TTC19: variants seen among roughly 807,000 people sequenced by gnomAD.
TTC19 encodes tetratricopeptide repeat protein 19, mitochondrial.
In TTC19, 38 loss-of-function variants were observed where a neutral mutation model predicts 49.5. The observed-to-expected ratio is 0.77, with a 90% CI of 0.59 to 1.01. The LOEUF is 1.01. Among genes scored for constraint, TTC19 ranks in the 50% least tolerant of loss-of-function variants. The pLI, the probability that TTC19 is intolerant of heterozygous loss-of-function variation, is 0.00. For synonymous variants in TTC19, 204 were observed against 185.2 expected, an observed-to-expected ratio of 1.10 and a Z score of -0.83; for missense variants, 475 against 477.7, an observed-to-expected ratio of 0.99 and a Z score of 0.05.
At position 16,029,108 on chromosome 17, in the gene TTC19, G is replaced by GAGTAAAAA. The variant is rs778157002; in HGVS notation, c.*1586_*1587insAGTAAAAA. ...AATTAATGTCAACCACTCACCTTTT[G>GAGTAAAAA]CATTGAGAATGTTTTTACCTTTTCA... On this transcript the variant is annotated 3_prime_UTR_variant, in exon 10 of 10. Transcript: ENST00000261647. 0.018 allele frequency: 8,118 copies of GAGTAAAAA among 452,412 alleles called. 105 individuals carry two copies. The highest frequency in any genetic ancestry group is 0.021 in the Non-Finnish European group (4,745 of 226,354). 28.0% of individuals were successfully genotyped at this position (452,412 alleles called of 1,614,324 possible).
chr17:16,010,797 C>T (rs1382902019), intron 7 of TTC19, among the ~76,000 whole-genome samples: 1 of 152,172 alleles, frequency 6.6e-6, no homozygotes, highest in Non-Finnish European at 1.5e-5. Context: ...TAACCAGTTT[C>T]CTCTGGTATT....
intron 2 of TTC19, among the ~76,000 whole-genome samples, chr17:16,042,958 G>T (rs2058015051): frequency 6.6e-6 from 1 of 152,146 alleles, no homozygotes; most frequent in South Asian, 2.1e-4. Flanking sequence ...TAGATGAGAT[G>T]ACTCAAATTA....
chr17:16,002,486 G>C (rs965382330), intron 3 of TTC19, among the ~76,000 whole-genome samples: 1 of 151,904 alleles, frequency 6.6e-6, no homozygotes, highest in South Asian at 2.1e-4. Context: ...CACAGCTTCA[G>C]TTTTTTTACC....
chr17:16,020,631 A>G (rs1240426087), intron 7 of TTC19, among the ~76,000 whole-genome samples: 4 of 152,194 alleles, frequency 2.6e-5, no homozygotes, highest in African/African-American at 9.6e-5. Context: ...GTTTCATTAT[A>G]ATTTTTCCCT....
chr17:16,027,424 A>G lies in TTC19; in HGVS notation c.1045A>G (p.Lys349Glu), dbSNP rs768787227. 1 of 1,614,012 alleles carries G rather than the reference A, an allele frequency of 6.2e-7. No individual in the cohort carries two copies. The highest frequency in any genetic ancestry group is 8.5e-7 in the Non-Finnish European group (1 of 1,179,980). Reference protein sequence around the residue: ...EIYQEALKQAKLKKDEISVQH... With the variant: ...EIYQEALKQAELKKDEISVQH... ...CTACCAGGAAGCACTGAAGCAAGCA[A>G]AGCTGAAAAAAGATGAAATTTCTGT... Residue 349 changes from lysine to glutamate, a missense_variant, in exon 10 of 10, where the codon AAG becomes GAG. Physicochemically the swap from Lys to Glu is moderately conservative, Grantham distance 56. Coordinates refer to ENST00000261647, the MANE Select transcript of TTC19 (RefSeq NM_017775.4).
At chr17:16,039,672 A>C in intron 2 of TTC19, 1 of 1,601,204 alleles carries the variant, frequency 6.2e-7, no homozygotes, top group Non-Finnish European at 8.5e-7. Context: ...AGAATCAAAA[A>C]CATTTCCACT....
chr17:16,029,016 T>G lies in TTC19; in HGVS notation c.*1494T>G. 2 of 444,728 alleles carry G rather than the reference T, an allele frequency of 4.5e-6. No individual in the cohort carries two copies. Among genetic ancestry groups the G allele is most frequent in the Non-Finnish European group, 8.9e-6 (2 of 223,806 alleles). The allele number at this position is 444,728 out of a possible 1,614,324, so 27.5% of individuals were successfully genotyped here. Reference sequence around the variant, plus strand: ...GTTTACCAAGTCTAGCTCAGAGAGATAAGATACAATATAAATCAGACTGTT... The same window carrying G: ...GTTTACCAAGTCTAGCTCAGAGAGAGAAGATACAATATAAATCAGACTGTT... On this transcript the variant is annotated 3_prime_UTR_variant, in exon 10 of 10. Transcript: ENST00000261647.
chr17:16,010,268 G>T (rs1971029524), intron 7 of TTC19, among the ~76,000 whole-genome samples: 2 of 149,066 alleles, frequency 1.3e-5, no homozygotes, highest in South Asian at 4.2e-4. Flanking sequence ...CCGCCTCCCG[G>T]GTTTAAGCGG....
At chr17:16,010,392 T>C (rs1345666567) in intron 7 of TTC19, among the ~76,000 whole-genome samples, 1 of 151,734 alleles carries the variant, frequency 6.6e-6, no homozygotes, top group Non-Finnish European at 1.5e-5. Flanking sequence ...CAGGATGGTC[T>C]CAATCTCTTG....
intron 2 of TTC19, chr17:16,039,815 GTCTC>G (rs772841727): frequency 9.4e-6 from 6 of 639,244 alleles, no homozygotes; most frequent in African/African-American, 5.5e-5. Flanking sequence ...TGGAGACAGA[GTCTC>G]TCTCTGTCGC....
chr17:16,037,363 A>G (rs2056621009), intron 2 of TTC19, among the ~76,000 whole-genome samples: 1 of 152,244 alleles, frequency 6.6e-6, no homozygotes, highest in African/African-American at 2.4e-5. Context: ...TATTAGAAAA[A>G]TAATGCTGAT....
At position 16,028,282 on chromosome 17, in the gene TTC19, G is replaced by A. The variant is rs1268894677; in HGVS notation, c.*760G>A. 1.5e-5 allele frequency: 7 copies of A among 453,966 alleles called. No individual in the cohort carries two copies. In the Admixed American group the frequency reaches 1.6e-4, roughly 11 times the overall value. The allele number at this position is 453,966 out of a possible 1,614,324, so 28.1% of individuals were successfully genotyped here. A position where few individuals can be genotyped will look rare whatever the true frequency, so the allele number is the denominator to read the frequency against. ...TAGTCACACAACTGAGTCATCTCAA[G>A]TACTCTTTAAGGACACACAGCCCAG... On this transcript the variant is annotated 3_prime_UTR_variant, in exon 10 of 10. Transcript: ENST00000261647.
intron 7 of TTC19, among the ~76,000 whole-genome samples, chr17:16,017,546 G>C (rs1158998348): frequency 6.6e-6 from 1 of 151,694 alleles, no homozygotes; most frequent in Non-Finnish European, 1.5e-5. Flanking sequence ...GATCGCCTGA[G>C]GTCAGGAGTT....
At chr17:16,032,145 C>G (rs895049843), downstream of TTC19, 3 of 767,936 alleles carry the variant, frequency 3.9e-6, no homozygotes, top group African/African-American at 5.5e-5. Flanking sequence ...AAATGAACTT[C>G]CATCATTTCT....
chr17:16,034,858 C>T, intron 2 of TTC19: 1 of 1,614,148 alleles, frequency 6.2e-7, no homozygotes, highest in Non-Finnish European at 8.5e-7. Flanking sequence ...GAGGGCCGTT[C>T]CGTTCCTAAG....
Position 16,039,438 on chromosome 17 carries a change from T to G in TTC19, c.248-5065T>G, listed in dbSNP as rs574221900. The G allele has an allele frequency of 4.3e-6, 7 of 1,613,636 alleles. No homozygotes were observed. The South Asian group carries it at 7.7e-5, about 18-fold the overall frequency. ...CACTAAAATGAAAGCTGTACCTGAA[T>G]GAGGTGATGGGTCCCCTTCCTCTCT... On this transcript the variant is annotated intron_variant, in intron 2 of 2. Coordinates refer to the TTC19 transcript ENST00000470649.
chr17:16,004,932 T>C (rs1167287413), intron 6 of TTC19, among the ~76,000 whole-genome samples: 1 of 152,220 alleles, frequency 6.6e-6, no homozygotes, highest in African/African-American at 2.4e-5. Context: ...GGCTAGAGCT[T>C]CCTGGAGCCT....
downstream of TTC19, among the ~76,000 whole-genome samples, chr17:16,034,179 T>TC (rs1973421262): frequency 6.6e-6 from 1 of 152,236 alleles, no homozygotes; most frequent in Non-Finnish European, 1.5e-5. Context: ...TAGTCAATGT[T>TC]CGCTACCAGT....
chr17:16,034,665 G>C, intron 2 of TTC19: 1 of 1,087,758 alleles, frequency 9.2e-7, no homozygotes, highest in Non-Finnish European at 1.3e-6. Context: ...GGGAATATAG[G>C]TTTCCAAATT....
Sources: gnomAD v4.1 joint callset for allele counts (sites outside exome capture counted in the v4.1 genomes callset) on GRCh38, gnomAD v4.1.1 for gene constraint, MANE v1.5 for transcripts, NCBI Gene and HGNC (gene_info 2026-07-23, HGNC 2026-07-21) for gene names.